The following RPE65 variants were observed in gnomAD, a reference collection of about 807,000 sequenced individuals.
RPE65 encodes retinoid isomerohydrolase.
A neutral mutation model predicts 68.5 loss-of-function variants in RPE65; 58 were observed. The observed-to-expected ratio is 0.85, with a 90% confidence interval of 0.69 to 1.05. The LOEUF (loss-of-function observed/expected upper bound fraction) is 1.05, where lower values mean the gene tolerates loss of function less well. RPE65 is among the 50% of genes least tolerant of loss of function. RPE65 has a pLI of 0.00. For missense variants in RPE65, 643 were observed against 629.9 expected (o/e 1.02, Z -0.22); for synonymous variants, 220 against 222.2 (o/e 0.99, Z 0.09).
At chr1:68,439,889 T>G (rs1645887967) in intron 6 of RPE65, among the ~76,000 whole-genome samples, 1 of 152,130 alleles carries the variant, frequency 6.6e-6, no homozygotes, top group African/African-American at 2.4e-5. Context: ...AAGTGGAGTG[T>G]AGTGGAGTCA....
At chr1:68,438,842 G>A (rs1370428421) in intron 9 of RPE65, 100 bp downstream of exon 9, 2 of 1,451,272 alleles carry the variant, frequency 1.4e-6, no homozygotes, top group African/African-American at 2.8e-5. Context: ...AACTCTTGCT[G>A]TTTTAGATGT....
chr1:68,446,625 G>A (rs1226653495), intron 3 of RPE65, 85 bp downstream of exon 3: 67 of 1,557,272 alleles, frequency 4.3e-5, no homozygotes, highest in Middle Eastern at 1.8e-4. Context: ...TGCCTCCTGA[G>A]TTCAGAGGTG....
intron 3 of RPE65, 96 bp from the exon 4 acceptor site, chr1:68,444,979 G>C: frequency 1.0e-6 from 1 of 1,002,134 alleles, no homozygotes. Flanking sequence ...TCCTCATCAA[G>C]TCACAATCAT....
At chr1:68,438,393 C>T (rs777921320) in intron 9 of RPE65, 77 bp from the exon 10 acceptor site, 2 of 1,527,296 alleles carry the variant, frequency 1.3e-6, no homozygotes, top group South Asian at 2.3e-5. Context: ...CCTTTTTAAG[C>T]ACAAGTGCCT....
chr1:68,434,325 T>C (rs1163659341), intron 10 of RPE65, among the ~76,000 whole-genome samples: 1 of 152,010 alleles, frequency 6.6e-6, no homozygotes, highest in African/African-American at 2.4e-5. Context: ...GAAATTACTG[T>C]TGGGGAGACC....
In RPE65 at chr1:68,441,343, G is replaced by T. The variant is rs957878107; in HGVS notation, c.496-343C>A. 2.0e-5 allele frequency among the ~76,000 whole-genome samples: 3 copies of T among 152,088 alleles called. No homozygotes were observed. The East Asian group carries it at 5.8e-4, about 29-fold the overall frequency. On this transcript the variant is annotated intron_variant, in intron 5 of 13. Coordinates refer to ENST00000262340, the MANE Select transcript of RPE65 (RefSeq NM_000329.3). ...TCTTTATACTCTTATTATTGTATTA[G>T]ATTTAATTGTATAAGATTGCTAACA...
At position 68,429,325 on chromosome 1, in the gene RPE65, T is replaced by C. The variant is rs568201135; in HGVS notation, c.*451A>G. The C allele has an allele frequency of 6.1e-6, 1 of 164,690 alleles. No individual in the cohort carries two copies. The highest frequency in any genetic ancestry group is 1.8e-4 in the East Asian group (1 of 5,614). The allele number at this position is 164,690 out of a possible 1,614,324, so 10.2% of individuals were successfully genotyped here. On this transcript the variant is annotated 3_prime_UTR_variant, in exon 14 of 14. Coordinates refer to ENST00000262340, the MANE Select transcript of RPE65 (RefSeq NM_000329.3). ...GTCCCTGGTTTGAGAAAAAGTTTGG[T>C]TTGACATTTAGTAATTAAGCCTTAT...
At chr1:68,439,529 T>C in intron 7 of RPE65, 32 bp downstream of exon 7, 1 of 1,606,634 alleles carries the variant, frequency 6.2e-7, no homozygotes. Context: ...ACTTGAGTTT[T>C]CCTGAAGATT....
chr1:68,438,124 G>T (rs1388369226), intron 10 of RPE65, 63 bp downstream of exon 10: 84 of 1,598,686 alleles, frequency 5.3e-5, no homozygotes, highest in Non-Finnish European at 2.6e-6. Context: ...GAGGCAGGAG[G>T]ACAATTCCTG....
chr1:68,431,243 C>A (rs1211914456), intron 12 of RPE65, 39 bp downstream of exon 12: 1 of 1,609,972 alleles, frequency 6.2e-7, no homozygotes, highest in East Asian at 2.2e-5. Context: ...AGCATATACT[C>A]AAAGCACTGT....
chr1:68,440,197 T>C (rs1350704198), intron 6 of RPE65, among the ~76,000 whole-genome samples: 1 of 152,232 alleles, frequency 6.6e-6, no homozygotes, highest in African/African-American at 2.4e-5. Context: ...TCAAGATTTG[T>C]ATTTCTAACA....
At chr1:68,437,935 A>G (rs1353791340) in intron 10 of RPE65, among the ~76,000 whole-genome samples, 1 of 152,244 alleles carries the variant, frequency 6.6e-6, no homozygotes, top group African/African-American at 2.4e-5. Flanking sequence ...TGTAAATACA[A>G]GAACGGCAGA....
rs1235881190 is a variant in RPE65, at chr1:68,431,485, G to C, written c.1229C>G (p.Ser410Ter). 1 of 1,613,926 alleles carries C rather than the reference G, an allele frequency of 6.2e-7. No homozygotes were observed. The highest frequency in any genetic ancestry group is 8.5e-7 in the Non-Finnish European group (1 of 1,179,888). The change falls in exon 11 of 14, where the codon TCA becomes TGA. Residue 410 changes from serine to a stop codon, truncating the protein, a stop_gained. Transcript: ENST00000262340. LOFTEE classifies it high-confidence loss of function. ...TIWLEPEVLFSGPRQAFEFPQ... is the reference protein window; with the variant it reads ...TIWLEPEVLF ...GATCATCTCACCTTGACGAGGCCCT[G>C]AAAAGAGAACTTCAGGCTCCAGCCA... is the stretch of plus-strand genomic sequence containing the variant.
intron 5 of RPE65, among the ~76,000 whole-genome samples, chr1:68,443,508 C>T (rs183576418): frequency 3.6e-4 from 55 of 152,252 alleles, no homozygotes; most frequent in Non-Finnish European, 6.8e-4. Flanking sequence ...TGCTTTTGAT[C>T]GCTTTACCCC....
Position 68,446,862 on chromosome 1 carries a change from T to A in RPE65, c.95-2A>T, listed in dbSNP as rs61751279. 12 of 1,613,152 alleles carry A rather than the reference T, an allele frequency of 7.4e-6. No homozygotes were observed. The highest frequency in any genetic ancestry group is 6.7e-5 in the Admixed American group (4 of 60,008). On this transcript the variant is annotated splice_acceptor_variant, in intron 2 of 13. Coordinates refer to ENST00000262340, the MANE Select transcript of RPE65 (RefSeq NM_000329.3). LOFTEE classifies it high-confidence loss of function. ...CGGTGAGCCAGAGGGGGATCCTGCC[T>A]GTGATGAAGGGGAGACAGAACATTG...
chr1:68,448,573 A>G, intron 2 of RPE65, 51 bp downstream of exon 2: 1 of 1,539,120 alleles, frequency 6.5e-7, no homozygotes, highest in Non-Finnish European at 9.0e-7. Flanking sequence ...AGGAAGCCAG[A>G]GAAGAGAGAC....
At chr1:68,439,681 C>T (rs761589071) in intron 6 of RPE65, 39 bp from the exon 7 acceptor site, 8 of 1,517,714 alleles carry the variant, frequency 5.3e-6, no homozygotes, top group Admixed American at 1.7e-5. Flanking sequence ...GGAAGAGCCT[C>T]TTATTTTTTT....
chr1:68,435,990 T>C (rs1645860207), intron 10 of RPE65, among the ~76,000 whole-genome samples: 1 of 152,204 alleles, frequency 6.6e-6, no homozygotes, highest in South Asian at 2.1e-4. Context: ...TTTGATGATG[T>C]TAGACATTTT....
At position 68,444,686 on chromosome 1, in the gene RPE65, T is replaced by A. The variant is rs1358601935; in HGVS notation, c.354-14A>T. 2 of 1,613,994 alleles carry A rather than the reference T, an allele frequency of 1.2e-6. No homozygotes were observed. Among genetic ancestry groups the A allele is most frequent in the Non-Finnish European group, 1.7e-6 (2 of 1,180,016 alleles). ...TAAGAAAAAAACCTGTAGAAACAAA[T>A]GAATTTTTCAGTCCAGTAATTTTCA... On this transcript the variant is annotated splice_polypyrimidine_tract_variant and intron_variant, in intron 4 of 13. Transcript: ENST00000262340.
Sources: allele counts gnomAD v4.1 joint callset (sites outside exome capture counted in the v4.1 genomes callset), GRCh38; gene constraint gnomAD v4.1.1; transcripts MANE v1.5; gene names NCBI Gene and HGNC (gene_info 2026-07-23, HGNC 2026-07-21).